Variants in RBFOX1 observed in about 807,000 individuals in gnomAD.
The protein encoded by RBFOX1 is RNA binding fox-1 homolog 1, also known as RNA binding protein fox-1 homolog 1.
Under a neutral mutation model 57.7 loss-of-function variants are expected in RBFOX1, and 8 were observed. The observed-to-expected ratio is 0.14, with a 90% CI of 0.08 to 0.25. The LOEUF (loss-of-function observed/expected upper bound fraction) is 0.25. Ranked by LOEUF, RBFOX1 falls within the 10% of genes least tolerant of loss-of-function variation. The pLI is 1.00. For missense variants in RBFOX1, 611 were observed against 548.5 expected (o/e 1.11, Z -1.14); for synonymous variants, 326 against 222.4 (o/e 1.47, Z -4.15).
chr16:7,106,984 A>AAAAACACACACACAC (rs529197707), intron 4 of RBFOX1, among the ~76,000 whole-genome samples: 2 of 148,512 alleles, frequency 1.3e-5, no homozygotes, highest in South Asian at 2.2e-4. Flanking sequence ...ACACAGTTAA[A>AAAAACACACACACAC]ACACACACAC....
At chr16:6,344,950 C>T (rs548022006) in intron 2 of RBFOX1, among the ~76,000 whole-genome samples, 1 of 152,164 alleles carries the variant, frequency 6.6e-6, no homozygotes, top group East Asian at 1.9e-4. Flanking sequence ...CAGGTGTGAG[C>T]CACCGAGCCC....
chr16:6,867,421 T>C (rs1256417567), intron 3 of RBFOX1, among the ~76,000 whole-genome samples: 1 of 151,344 alleles, frequency 6.6e-6, no homozygotes, highest in African/African-American at 2.4e-5. Flanking sequence ...CTAATGAGGA[T>C]TAAGGGAAGA....
intron 2 of RBFOX1, among the ~76,000 whole-genome samples, chr16:6,542,070 A>G (rs1450118739): frequency 1.3e-5 from 2 of 151,898 alleles, no homozygotes; most frequent in Non-Finnish European, 2.9e-5. Context: ...CTGGGACTAC[A>G]GGTGTGCACC....
chr16:5,607,032 C>T (rs191097791), intron 3 of RBFOX1, among the ~76,000 whole-genome samples: 34 of 152,280 alleles, frequency 2.2e-4, no homozygotes, highest in African/African-American at 7.7e-4. Flanking sequence ...AAAGATCTCC[C>T]TGGGACCTGG....
At chr16:6,035,128 C>T (rs1196663444) in intron 1 of RBFOX1, among the ~76,000 whole-genome samples, 2 of 152,178 alleles carry the variant, frequency 1.3e-5, no homozygotes, top group Non-Finnish European at 2.9e-5. Context: ...ACCCCCTTCA[C>T]CCATCCATGA....
At chr16:6,928,932 A>C (rs1039576553) in intron 3 of RBFOX1, among the ~76,000 whole-genome samples, 1 of 152,126 alleles carries the variant, frequency 6.6e-6, no homozygotes, top group South Asian at 2.1e-4. Flanking sequence ...GGGGGCTTCA[A>C]GTCCCCAAAG....
chr16:7,272,330 G>A (rs940712876), intron 4 of RBFOX1, among the ~76,000 whole-genome samples: 25 of 150,594 alleles, frequency 1.7e-4, no homozygotes, highest in Non-Finnish European at 2.8e-4. Flanking sequence ...GATTACAGGC[G>A]CCCACCACTA....
chr16:5,483,880 GC>G (rs1188131123), intron 2 of RBFOX1, among the ~76,000 whole-genome samples: 1 of 152,190 alleles, frequency 6.6e-6, no homozygotes, highest in Non-Finnish European at 1.5e-5. Context: ...TAATCACGAT[GC>G]CTGCCAGGGC....
intron 4 of RBFOX1, among the ~76,000 whole-genome samples, chr16:7,085,861 C>T (rs2059910192): frequency 6.6e-6 from 1 of 152,168 alleles, no homozygotes; most frequent in African/African-American, 2.4e-5. Flanking sequence ...AATCCTGCAT[C>T]CCAGGAAACC....
intron 2 of RBFOX1, among the ~76,000 whole-genome samples, chr16:5,543,296 A>T (rs1380206757): frequency 2.0e-5 from 3 of 152,200 alleles, no homozygotes; most frequent in Non-Finnish European, 4.4e-5. Context: ...ATTAGCAGAG[A>T]GGGACGTGTT....
At chr16:7,011,201 C>T (rs549496388) in intron 3 of RBFOX1, among the ~76,000 whole-genome samples, 24 of 152,120 alleles carry the variant, frequency 1.6e-4, no homozygotes, top group African/African-American at 3.6e-4. Flanking sequence ...AGCAGTCATT[C>T]GTGGAGTCCT....
intron 4 of RBFOX1, among the ~76,000 whole-genome samples, chr16:7,469,548 C>T (rs2061175201): frequency 6.6e-6 from 1 of 152,110 alleles, no homozygotes; most frequent in Non-Finnish European, 1.5e-5. Flanking sequence ...TAAAATAATG[C>T]ATATTTTATT....
chr16:6,242,327 G>T (rs80086595), intron 1 of RBFOX1, among the ~76,000 whole-genome samples: 22 of 152,008 alleles, frequency 1.4e-4, no homozygotes, highest in Non-Finnish European at 2.6e-4. Context: ...TTCCCTATCA[G>T]CCTGTATAGG....
chr16:6,265,918 T>G (rs2152654666), intron 1 of RBFOX1, among the ~76,000 whole-genome samples: 1 of 152,322 alleles, frequency 6.6e-6, no homozygotes, highest in East Asian at 1.9e-4. Context: ...CCACTTTCTC[T>G]TCACATGCAG....
chr16:7,148,475 C>G, intron 4 of RBFOX1, among the ~76,000 whole-genome samples: 1 of 152,300 alleles, frequency 6.6e-6, no homozygotes, highest in South Asian at 2.1e-4. Flanking sequence ...ATCTCAACTT[C>G]GGATCTTTTT....
chr16:7,425,839 G>C (rs761583895), intron 4 of RBFOX1, among the ~76,000 whole-genome samples: 3 of 152,034 alleles, frequency 2.0e-5, no homozygotes, highest in Non-Finnish European at 2.9e-5. Context: ...ATACTGCCTT[G>C]TTAATTTGTT....
At chr16:6,719,666 T>C (rs989818408) in intron 3 of RBFOX1, among the ~76,000 whole-genome samples, 1 of 151,928 alleles carries the variant, frequency 6.6e-6, no homozygotes, top group Non-Finnish European at 1.5e-5. Flanking sequence ...TAGGATGGTC[T>C]TGATCTCCTG....
At chr16:6,911,380 G>C (rs1596983996) in intron 3 of RBFOX1, among the ~76,000 whole-genome samples, 1 of 152,068 alleles carries the variant, frequency 6.6e-6, no homozygotes, top group South Asian at 2.1e-4. Context: ...TTTCTTCTAA[G>C]GGCTGGGAGG....
At chr16:5,774,845 G>T (rs185359411) in intron 3 of RBFOX1, among the ~76,000 whole-genome samples, 83 of 152,194 alleles carry the variant, frequency 5.5e-4, no homozygotes, top group Non-Finnish European at 9.8e-4. Flanking sequence ...ACCACACCTA[G>T]CTAATTTTTG....
Sources: gnomAD v4.1 joint callset for allele counts (sites outside exome capture counted in the v4.1 genomes callset) on GRCh38, gnomAD v4.1.1 for gene constraint, MANE v1.5 for transcripts, NCBI Gene and HGNC (gene_info 2026-07-23, HGNC 2026-07-21) for gene names.